Variants in FBXL2 observed in about 807,000 individuals in gnomAD.
FBXL2 encodes F-box/LRR-repeat protein 2.
A neutral mutation model predicts 69.2 loss-of-function variants in FBXL2; 38 were observed. The ratio of observed to expected loss-of-function variants is 0.55; its 90% CI spans 0.42 to 0.72. The LOEUF (loss-of-function observed/expected upper bound fraction) is 0.72. Among genes scored for constraint, FBXL2 ranks in the 30% least tolerant of loss-of-function variants. The pLI is 0.00. For missense variants in FBXL2, 354 were observed against 520.3 expected (o/e 0.68, Z 3.11); for synonymous variants, 192 against 201.3 (o/e 0.95, Z 0.39).
chr3:33,309,179 ATCTC>A (rs1332481741), intron 2 of FBXL2, among the ~76,000 whole-genome samples: 1 of 152,118 alleles, frequency 6.6e-6, no homozygotes, highest in Non-Finnish European at 1.5e-5. Context: ...GATATCTACT[ATCTC>A]TATCTACTAT....
intron 2 of FBXL2, among the ~76,000 whole-genome samples, chr3:33,313,532 A>G (rs1317355348): frequency 6.6e-6 from 1 of 151,714 alleles, no homozygotes; most frequent in Non-Finnish European, 1.5e-5. Context: ...TGCAACCTCA[A>G]CCTCCTGGGC....
At chr3:33,374,351 A>G (rs1324315928) in intron 9 of FBXL2, among the ~76,000 whole-genome samples, 3 of 152,252 alleles carry the variant, frequency 2.0e-5, no homozygotes, top group Non-Finnish European at 4.4e-5. Flanking sequence ...AATAAAACGC[A>G]TAGGCAAGAG....
chr3:33,308,587 A>G (rs2036919614), intron 2 of FBXL2, among the ~76,000 whole-genome samples: 3 of 152,208 alleles, frequency 2.0e-5, no homozygotes, highest in Admixed American at 2.0e-4. Context: ...TTACACACAT[A>G]ACAGCCTCAG....
chr3:33,335,558 AAGAC>A (rs1288800136), intron 2 of FBXL2, among the ~76,000 whole-genome samples: 2 of 152,214 alleles, frequency 1.3e-5, no homozygotes, highest in Non-Finnish European at 2.9e-5. Context: ...AAAATTTAGA[AAGAC>A]AGGAAAGGAT....
intron 2 of FBXL2, among the ~76,000 whole-genome samples, chr3:33,316,366 C>G (rs1252200423): frequency 6.6e-6 from 1 of 152,084 alleles, no homozygotes; most frequent in Non-Finnish European, 1.5e-5. Context: ...GCCACCACGC[C>G]TAGCCTCCTG....
chr3:33,308,632 C>G (rs75382595), intron 2 of FBXL2, among the ~76,000 whole-genome samples: 2,847 of 152,242 alleles, frequency 0.019, 83 homozygotes, highest in African/African-American at 0.065. Context: ...AACATGAGTA[C>G]TAAAAACAGG....
chr3:33,378,937 A>T (rs1432661744), intron 13 of FBXL2, 196 bp downstream of exon 13: 1 of 1,072,128 alleles, frequency 9.3e-7, no homozygotes, highest in Non-Finnish European at 1.3e-6. Context: ...CAATTTTAAG[A>T]TTCCCAAAAG....
At chr3:33,299,745 A>C (rs1024257526) in intron 2 of FBXL2, among the ~76,000 whole-genome samples, 1 of 152,214 alleles carries the variant, frequency 6.6e-6, no homozygotes, top group East Asian at 1.9e-4. Context: ...TGTATGAAAA[A>C]TATCAATTAT....
At chr3:33,370,985 A>G (rs1352703371) in intron 5 of FBXL2, among the ~76,000 whole-genome samples, 1 of 151,888 alleles carries the variant, frequency 6.6e-6, no homozygotes, top group African/African-American at 2.4e-5. Flanking sequence ...AATCGCATGT[A>G]TATTAGGTTG....
At chr3:33,331,960 TAGAG>T (rs1032910589) in intron 2 of FBXL2, among the ~76,000 whole-genome samples, 11 of 151,922 alleles carry the variant, frequency 7.2e-5, no homozygotes, top group Admixed American at 2.6e-4. Context: ...AGACAAAGAA[TAGAG>T]AGAGAATGTG....
intron 1 of FBXL2, among the ~76,000 whole-genome samples, chr3:33,286,707 C>G (rs2034658957): frequency 6.6e-6 from 1 of 152,234 alleles, no homozygotes; most frequent in Non-Finnish European, 1.5e-5. Context: ...TTCCCGGCTG[C>G]TTTGTTTACC....
intron 2 of FBXL2, among the ~76,000 whole-genome samples, chr3:33,354,511 T>G (rs1473095129): frequency 1.3e-5 from 2 of 149,458 alleles, no homozygotes; most frequent in Non-Finnish European, 3.0e-5. Context: ...AGACTCCATC[T>G]GGAAAAAAAA....
At chr3:33,312,785 T>G (rs924665947) in intron 2 of FBXL2, among the ~76,000 whole-genome samples, 1 of 152,116 alleles carries the variant, frequency 6.6e-6, no homozygotes, top group African/African-American at 2.4e-5. Context: ...AGAGACAACA[T>G]TTACCATTTT....
At chr3:33,411,770 G>A in the FBXL2 span, 1 of 1,110,044 alleles carries the variant, frequency 9.0e-7, no homozygotes. Flanking sequence ...ATGTTCTAAT[G>A]AAATAACTGT....
At chr3:33,418,106 CAG>C in the FBXL2 span, among the ~76,000 whole-genome samples, 1 of 151,948 alleles carries the variant, frequency 6.6e-6, no homozygotes, top group Non-Finnish European at 1.5e-5. Context: ...ATTCTGAAAA[CAG>C]AAATAATTTT....
chr3:33,396,931 G>A (rs1012893548), intron 12 of FBXL2: 22 of 936,116 alleles, frequency 2.4e-5, no homozygotes, highest in African/African-American at 3.3e-5. Flanking sequence ...GCCAATGCTC[G>A]ATGGCGCACA....
chr3:33,373,503 G>GTA (rs1420919982), intron 7 of FBXL2, 75 bp from the exon 8 acceptor site: 2 of 1,603,438 alleles, frequency 1.2e-6, no homozygotes, highest in Non-Finnish European at 1.7e-6. Context: ...TTCTTGTGAT[G>GTA]TACTAAACTC....
chr3:33,289,832 G>T, intron 1 of FBXL2: 3 of 973,764 alleles, frequency 3.1e-6, no homozygotes, highest in Non-Finnish European at 3.7e-6. Context: ...GGCAGGGCAG[G>T]AGAGTTAAGA....
chr3:33,302,825 A>G (rs867662823), intron 2 of FBXL2, among the ~76,000 whole-genome samples: 1 of 152,236 alleles, frequency 6.6e-6, no homozygotes, highest in East Asian at 1.9e-4. Context: ...ACAATTTCAT[A>G]TAATACAACA....
Sources: gnomAD v4.1 joint callset for allele counts (sites outside exome capture counted in the v4.1 genomes callset) on GRCh38, gnomAD v4.1.1 for gene constraint, MANE v1.5 for transcripts, NCBI Gene and HGNC (gene_info 2026-07-23, HGNC 2026-07-21) for gene names.